Variants in MYO18B observed in about 807,000 individuals in gnomAD.
The protein encoded by MYO18B is myosin XVIIIB, also known as unconventional myosin-XVIIIb.
A neutral mutation model predicts 273.0 loss-of-function variants in MYO18B; 204 were observed. That is an observed-to-expected ratio of 0.75 (90% confidence interval 0.67 to 0.84). MYO18B has a LOEUF of 0.84. Ranked by LOEUF, MYO18B falls within the 40% of genes least tolerant of loss-of-function variation. The pLI, the probability that MYO18B is intolerant of heterozygous loss-of-function variation, is 0.00. For missense variants in MYO18B, 3,212 were observed against 3,287.6 expected (o/e 0.98, Z 0.56); for synonymous variants, 1,330 against 1,305.7 (o/e 1.02, Z -0.40).
At chr22:25,985,244 C>A (rs892342204) in intron 39 of MYO18B, among the ~76,000 whole-genome samples, 4 of 152,064 alleles carry the variant, frequency 2.6e-5, no homozygotes, top group African/African-American at 9.7e-5. Context: ...GCCTGTAATC[C>A]CAGCTGTTTG....
Position 25,797,998 on chromosome 22 carries a change from G to A in MYO18B, c.2422G>A (p.Gly808Ser), listed in dbSNP as rs1342446230. Residue 808 changes from glycine to serine, a missense_variant, in exon 12 of 44, where the codon GGT (glycine) becomes AGT (serine). Gly to Ser is a moderately conservative substitution (Grantham distance 56, BLOSUM62 0). Transcript: ENST00000335473. ...GGCAGCTGCCTTTGCCCAGCTCCAG[G>A]GTGCCATGGAGATGCTCGGCATCTC... is the stretch of plus-strand genomic sequence containing the variant. ...KAAAAFAQLQGAMEMLGISES... is the reference protein window; with the variant it reads ...KAAAAFAQLQSAMEMLGISES... The A allele has an allele frequency of 6.2e-7, 1 of 1,613,964 alleles. No homozygotes were observed. Among genetic ancestry groups the A allele is most frequent in the Non-Finnish European group, 8.5e-7 (1 of 1,179,854 alleles).
At chr22:25,742,749 C>T (rs750503773) in intron 1 of MYO18B, among the ~76,000 whole-genome samples, 1 of 152,114 alleles carries the variant, frequency 6.6e-6, no homozygotes, top group African/African-American at 2.4e-5. Context: ...GCTGTTGAGT[C>T]GAAATGTTAA....
At chr22:26,034,679 C>T (rs1936744667), downstream of MYO18B, among the ~76,000 whole-genome samples, 1 of 152,214 alleles carries the variant, frequency 6.6e-6, no homozygotes, top group African/African-American at 2.4e-5. Context: ...AAATGCTCTC[C>T]TGCAAATGTT....
chr22:25,877,997 A>G lies in MYO18B; in HGVS notation c.4263A>G (p.Ser1421=). The change falls in exon 25 of 44, where the codon TCA becomes TCG. Residue 1421 remains serine (S), a synonymous_variant. Coordinates refer to ENST00000335473, the MANE Select transcript of MYO18B (RefSeq NM_032608.7). ...CGCTAAGACGGAAGCTAGAAAAATC[A>G]GAGAAGTTGCGGAATGAACTCCGGC... ...LTTLRRKLEK[S]EKLRNELRQN... The G allele has an allele frequency of 1.3e-6, 2 of 1,584,450 alleles. No individual in the cohort carries two copies. The highest frequency in any genetic ancestry group is 1.3e-5 in the African/African-American group (1 of 74,472).
At chr22:25,938,830 G>A (rs982951270) in intron 34 of MYO18B, among the ~76,000 whole-genome samples, 2 of 152,142 alleles carry the variant, frequency 1.3e-5, no homozygotes, top group Non-Finnish European at 2.9e-5. Flanking sequence ...GGAAGTGTTT[G>A]GTTTTGCTTT....
At position 25,870,217 on chromosome 22, in the gene MYO18B, T is replaced by C. The variant is rs2091008953; in HGVS notation, c.3951+1832T>C. Among the ~76,000 whole-genome samples, 4 of 152,228 alleles carry C rather than the reference T, an allele frequency of 2.6e-5. No homozygotes were observed. The South Asian group carries it at 6.2e-4, about 24-fold the overall frequency. On this transcript the variant is annotated intron_variant, in intron 22 of 43. Coordinates refer to ENST00000335473, the MANE Select transcript of MYO18B (RefSeq NM_032608.7). Reference sequence around the variant, plus strand: ...GAATGGAAATGCAGTCACGTGTGGCTTAACAATGGGGATACATTCTGAGAA... The same window carrying C: ...GAATGGAAATGCAGTCACGTGTGGCCTAACAATGGGGATACATTCTGAGAA...
chr22:25,888,864 G>A (rs1450036288), intron 25 of MYO18B, among the ~76,000 whole-genome samples: 1 of 152,196 alleles, frequency 6.6e-6, no homozygotes, highest in Non-Finnish European at 1.5e-5. Context: ...CAACAGGGTG[G>A]GAGGCAGATG....
chr22:25,850,651 T>G (rs1014958839), intron 20 of MYO18B, among the ~76,000 whole-genome samples: 2 of 152,174 alleles, frequency 1.3e-5, no homozygotes, highest in African/African-American at 4.8e-5. Flanking sequence ...GATCGTGGCT[T>G]GCTGCAACCT....
intron 1 of MYO18B, among the ~76,000 whole-genome samples, chr22:25,759,842 G>C (rs1174204760): frequency 2.6e-5 from 4 of 152,116 alleles, no homozygotes; most frequent in Non-Finnish European, 5.9e-5. Context: ...ACATTCTCTA[G>C]TTATCGGACT....
intron 7 of MYO18B, among the ~76,000 whole-genome samples, chr22:25,773,584 C>T (rs947131277): frequency 6.6e-6 from 1 of 152,136 alleles, no homozygotes; most frequent in Non-Finnish European, 1.5e-5. Context: ...CTGCCTCAGC[C>T]CCCCGAGTAG....
intron 7 of MYO18B, among the ~76,000 whole-genome samples, chr22:25,776,044 C>G (rs1320604325): frequency 6.6e-6 from 1 of 152,162 alleles, no homozygotes; most frequent in Non-Finnish European, 1.5e-5. Flanking sequence ...CCCCTGTGGT[C>G]AACTCAGCCC....
chr22:25,875,810 T>A (rs902924827), intron 23 of MYO18B, among the ~76,000 whole-genome samples: 1 of 152,136 alleles, frequency 6.6e-6, no homozygotes, highest in African/African-American at 2.4e-5. Context: ...TGTGGGCAGT[T>A]TTAGAGATTT....
chr22:25,844,080 T>C (rs1053603772), intron 18 of MYO18B, among the ~76,000 whole-genome samples, 186 bp downstream of exon 18: 1 of 152,102 alleles, frequency 6.6e-6, no homozygotes, highest in Non-Finnish European at 1.5e-5. Flanking sequence ...GGGGCCAGAG[T>C]GAATCCAGCT....
chr22:25,847,044 C>T (rs1020554944), intron 19 of MYO18B, among the ~76,000 whole-genome samples: 1 of 150,502 alleles, frequency 6.6e-6, no homozygotes, highest in Non-Finnish European at 1.5e-5. Flanking sequence ...CGTGCCACTG[C>T]ACTCCAGCCT....
intron 23 of MYO18B, among the ~76,000 whole-genome samples, chr22:25,875,281 G>A (rs375212146): frequency 3.3e-5 from 5 of 152,210 alleles, no homozygotes; most frequent in African/African-American, 9.6e-5. Context: ...GTGACACTGG[G>A]CATGTGACTT....
the MYO18B span, among the ~76,000 whole-genome samples, chr22:26,037,148 G>T: frequency 6.6e-6 from 1 of 152,176 alleles, no homozygotes; most frequent in South Asian, 2.1e-4. Flanking sequence ...ACCTGGGCCT[G>T]CCTGCTCCAT....
intron 39 of MYO18B, among the ~76,000 whole-genome samples, chr22:25,962,515 A>G (rs2092928782): frequency 1.3e-5 from 2 of 152,200 alleles, no homozygotes; most frequent in Non-Finnish European, 1.5e-5. Context: ...AAATCAACCA[A>G]CTGTTGTTTG....
At chr22:26,041,930 G>A in the MYO18B span, among the ~76,000 whole-genome samples, 2 of 152,160 alleles carry the variant, frequency 1.3e-5, no homozygotes, top group Non-Finnish European at 2.9e-5. Context: ...TTTCTTCCCT[G>A]GGCTTCCTCT....
chr22:25,810,027 C>T (rs1022342659), intron 12 of MYO18B, among the ~76,000 whole-genome samples: 3 of 150,986 alleles, frequency 2.0e-5, no homozygotes, highest in Non-Finnish European at 4.4e-5. Context: ...TTTCCTCACA[C>T]CCCAGTGCCA....
Sources: gnomAD v4.1 joint callset for allele counts (sites outside exome capture counted in the v4.1 genomes callset) on GRCh38, gnomAD v4.1.1 for gene constraint, MANE v1.5 for transcripts, NCBI Gene and HGNC (gene_info 2026-07-23, HGNC 2026-07-21) for gene names.